Variants in PCDH15 observed in about 807,000 individuals in gnomAD.
The protein encoded by PCDH15 is protocadherin-15.
A neutral mutation model predicts 178.5 loss-of-function variants in PCDH15; 129 were observed. The ratio of observed to expected loss-of-function variants is 0.72; its 90% CI spans 0.63 to 0.84. The LOEUF (loss-of-function observed/expected upper bound fraction) is 0.84, where lower values mean the gene tolerates loss of function less well. PCDH15 is among the 40% of genes least tolerant of loss of function. PCDH15 has a pLI of 0.00. For synonymous variants in PCDH15, 800 were observed against 732.0 expected (o/e 1.09, Z -1.50); for missense variants, 2,230 against 2,099.9 (o/e 1.06, Z -1.21).
rs1337273236 is a variant in PCDH15, at chr10:55,144,991, G to A, written c.-80+21585C>T. ...AAAAAGAAAAAAAGAAATGCATTTG[G>A]ATTATAACTACAGAAATTCTCTATT... On this transcript the variant is annotated intron_variant, in intron 2 of 5. Transcript: ENST00000458638. Among the ~76,000 whole-genome samples, 7 of 151,986 alleles carry A rather than the reference G, an allele frequency of 4.6e-5. No homozygotes were observed. The East Asian group carries it at 7.7e-4, about 17-fold the overall frequency.
intron 23 of PCDH15, among the ~76,000 whole-genome samples, chr10:53,946,125 G>A (rs866125781): frequency 6.6e-6 from 1 of 152,024 alleles, no homozygotes; most frequent in Non-Finnish European, 1.5e-5. Context: ...TCTACAATGA[G>A]ATATCACCTC....
chr10:54,775,124 T>C (rs984441368), intron 1 of PCDH15, among the ~76,000 whole-genome samples: 1 of 152,298 alleles, frequency 6.6e-6, no homozygotes, highest in Non-Finnish European at 1.5e-5. Context: ...AAAAAATAGA[T>C]TATTTACTAT....
chr10:55,089,395 A>G (rs1049215158), intron 2 of PCDH15, among the ~76,000 whole-genome samples: 3 of 141,012 alleles, frequency 2.1e-5, no homozygotes, highest in African/African-American at 8.5e-5. Flanking sequence ...AAAAATAAAA[A>G]TATCATTTTC....
intron 2 of PCDH15, among the ~76,000 whole-genome samples, chr10:55,354,310 T>C (rs1316625411): frequency 1.3e-5 from 2 of 152,054 alleles, no homozygotes; most frequent in African/African-American, 2.4e-5. Context: ...GAGTCAAATA[T>C]AAAATGTTTG....
intron 28 of PCDH15, among the ~76,000 whole-genome samples, chr10:53,853,472 G>A (rs1014797407): frequency 1.3e-5 from 2 of 152,064 alleles, no homozygotes; most frequent in Non-Finnish European, 2.9e-5. Flanking sequence ...AATCATCAGG[G>A]TGAAAAGGCA....
At chr10:54,389,619 C>T (rs574008225) in intron 3 of PCDH15, among the ~76,000 whole-genome samples, 85 of 152,178 alleles carry the variant, frequency 5.6e-4, no homozygotes, top group African/African-American at 1.9e-3. Flanking sequence ...ACTCAGAGAT[C>T]CCATTTCAGC....
At chr10:54,518,287 A>G (rs1443689464) in intron 3 of PCDH15, among the ~76,000 whole-genome samples, 2 of 152,190 alleles carry the variant, frequency 1.3e-5, no homozygotes, top group Admixed American at 1.3e-4. Flanking sequence ...GTTTTTTGAA[A>G]AGATCAACAA....
intron 2 of PCDH15, among the ~76,000 whole-genome samples, chr10:55,494,447 T>A (rs1840488724): frequency 6.6e-6 from 1 of 151,856 alleles, no homozygotes; most frequent in Non-Finnish European, 1.5e-5. Context: ...GTAATATTAT[T>A]ATTTTTGTGG....
At chr10:54,722,536 T>G (rs911202596) in intron 1 of PCDH15, among the ~76,000 whole-genome samples, 5 of 150,700 alleles carry the variant, frequency 3.3e-5, no homozygotes, top group Non-Finnish European at 7.4e-5. Flanking sequence ...CTTTGCCTGA[T>G]CTTTCTTCAG....
At chr10:54,583,905 TTA>T (rs2091253746) in intron 2 of PCDH15, among the ~76,000 whole-genome samples, 1 of 152,120 alleles carries the variant, frequency 6.6e-6, no homozygotes, top group Admixed American at 6.6e-5. Flanking sequence ...AGTCTTCATT[TTA>T]TCATTTAAAA....
In PCDH15 at chr10:54,968,151, T is replaced by C. The variant is rs962046159; in HGVS notation, c.-79-70651A>G. Among the ~76,000 whole-genome samples, 58 of 152,186 alleles carry C rather than the reference T, an allele frequency of 3.8e-4. 1 individual carries two copies. Among genetic ancestry groups the C allele is most frequent in the Non-Finnish European group, 2.2e-4 (15 of 68,022 alleles). ...GAAAGCCTGGGCTTAATGGTAGACG[T>C]ATATATGTACATAACTGTTCATTAA... On this transcript the variant is annotated intron_variant, in intron 2 of 5. Transcript: ENST00000458638.
At chr10:54,027,297 A>G (rs1013561871) in intron 18 of PCDH15, among the ~76,000 whole-genome samples, 2 of 150,612 alleles carry the variant, frequency 1.3e-5, no homozygotes, top group African/African-American at 4.9e-5. Context: ...AAGAGGATAG[A>G]AACAAATGGA....
At chr10:54,833,069 C>T (rs962702909) in intron 3 of PCDH15, among the ~76,000 whole-genome samples, 2 of 152,144 alleles carry the variant, frequency 1.3e-5, no homozygotes, top group African/African-American at 2.4e-5. Flanking sequence ...ATACCAGGAA[C>T]ATCACGTATG....
chr10:55,460,421 T>C (rs1351457467), intron 2 of PCDH15, among the ~76,000 whole-genome samples: 2 of 151,942 alleles, frequency 1.3e-5, no homozygotes, highest in Non-Finnish European at 2.9e-5. Flanking sequence ...CCTTCGAGAA[T>C]TATTTGTTTC....
At chr10:54,101,114 T>G (rs1160479051) in intron 15 of PCDH15, among the ~76,000 whole-genome samples, 1 of 152,144 alleles carries the variant, frequency 6.6e-6, no homozygotes, top group Admixed American at 6.5e-5. Context: ...ATGGCTATTC[T>G]TGTGATAGCA....
intron 2 of PCDH15, among the ~76,000 whole-genome samples, chr10:55,523,139 G>A (rs972267240): frequency 3.3e-5 from 5 of 150,774 alleles, no homozygotes; most frequent in African/African-American, 1.2e-4. Context: ...TTAGCTTCAT[G>A]AATCTGAACA....
At chr10:54,822,850 TAATAA>T (rs954701118) in intron 3 of PCDH15, among the ~76,000 whole-genome samples, 6 of 151,942 alleles carry the variant, frequency 3.9e-5, no homozygotes, top group African/African-American at 1.2e-4. Context: ...ATCTCATAAA[TAATAA>T]GATAAAACGC....
intron 9 of PCDH15, among the ~76,000 whole-genome samples, chr10:54,220,639 C>T (rs1021877441): frequency 6.6e-6 from 1 of 152,090 alleles, no homozygotes; most frequent in East Asian, 1.9e-4. Context: ...TCCTGGCTAA[C>T]ACGGTGAAAC....
At position 54,102,781 on chromosome 10, in the gene PCDH15, C is replaced by T. The variant is rs144344022; in HGVS notation, c.1918-12718G>A. ...ATTCATTCCAGCACTGGGGAAATGA[C>T]CACAGCATGAGTCCAAGGACCCACT... On this transcript the variant is annotated intron_variant, in intron 15 of 37. Coordinates refer to ENST00000644397, the MANE Select transcript of PCDH15 (RefSeq NM_001384140.1). Among the ~76,000 whole-genome samples, 816 of 152,186 alleles carry T rather than the reference C, an allele frequency of 5.4e-3. 1 individual carries two copies. Among genetic ancestry groups the T allele is most frequent in the Non-Finnish European group, 8.3e-3 (563 of 68,008 alleles).
Sources: gnomAD v4.1 joint callset for allele counts (sites outside exome capture counted in the v4.1 genomes callset) on GRCh38, gnomAD v4.1.1 for gene constraint, MANE v1.5 for transcripts, NCBI Gene and HGNC (gene_info 2026-07-23, HGNC 2026-07-21) for gene names.